Variants in RYR2 observed in about 807,000 individuals in gnomAD.
The protein encoded by RYR2 is cardiac muscle ryanodine receptor-calcium release channel.
In RYR2, 227 loss-of-function variants were observed where a neutral mutation model predicts 601.1. That is an observed-to-expected ratio of 0.38 (90% CI 0.34 to 0.42). The LOEUF (loss-of-function observed/expected upper bound fraction) is 0.42. RYR2 is among the 10% of genes least tolerant of loss of function. The pLI is 1.00. For missense variants in RYR2, 4,646 were observed against 6,156.5 expected (o/e 0.75, Z 8.21); for synonymous variants, 2,223 against 2,175.1 (o/e 1.02, Z -0.61).
At chr1:237,665,647 T>C (rs1684258265) in intron 56 of RYR2, among the ~76,000 whole-genome samples, 2 of 152,154 alleles carry the variant, frequency 1.3e-5, no homozygotes, top group Admixed American at 6.5e-5. Flanking sequence ...AGTGTCCTCA[T>C]GGTGAAAGGC....
chr1:237,713,379 T>C (rs542143332), intron 71 of RYR2, among the ~76,000 whole-genome samples: 1 of 152,236 alleles, frequency 6.6e-6, no homozygotes, highest in Non-Finnish European at 1.5e-5. Flanking sequence ...TAAAAAATTA[T>C]TTTTTTGTTT....
At chr1:237,795,818 GTA>G (rs1359942016) in intron 96 of RYR2, among the ~76,000 whole-genome samples, 2,090 of 129,856 alleles carry the variant, frequency 0.016, 31 homozygotes, top group African/African-American at 0.045. Context: ...GTATATACAG[GTA>G]TGTATGTGTG....
intron 46 of RYR2, among the ~76,000 whole-genome samples, chr1:237,639,851 T>C (rs893833339): frequency 3.3e-5 from 5 of 152,118 alleles, no homozygotes; most frequent in Non-Finnish European, 2.9e-5. Context: ...AGATGTAACA[T>C]AGGGCTTTAT....
At chr1:237,327,294 T>G (rs1463730934) in intron 2 of RYR2, among the ~76,000 whole-genome samples, 1 of 152,162 alleles carries the variant, frequency 6.6e-6, no homozygotes, top group Admixed American at 6.5e-5. Context: ...CTTTGAAGAT[T>G]GTTGGCGTGT....
intron 29 of RYR2, among the ~76,000 whole-genome samples, chr1:237,573,947 G>A (rs1672968560): frequency 6.6e-6 from 1 of 152,108 alleles, no homozygotes; most frequent in South Asian, 2.1e-4. Flanking sequence ...CAGAAACACT[G>A]GTCTCTGGTA....
At chr1:237,362,075 T>G (rs1699827308) in intron 4 of RYR2, among the ~76,000 whole-genome samples, 1 of 152,208 alleles carries the variant, frequency 6.6e-6, no homozygotes, top group Non-Finnish European at 1.5e-5. Context: ...GGCTTCCATG[T>G]TAATGTGGCA....
chr1:237,462,654 G>A (rs1265686448), intron 16 of RYR2, among the ~76,000 whole-genome samples: 1 of 152,046 alleles, frequency 6.6e-6, no homozygotes, highest in Non-Finnish European at 1.5e-5. Flanking sequence ...TTGAAGACTT[G>A]GAAAGAATAC....
intron 29 of RYR2, among the ~76,000 whole-genome samples, chr1:237,574,426 A>G (rs906729718): frequency 6.6e-6 from 1 of 152,160 alleles, no homozygotes; most frequent in Non-Finnish European, 1.5e-5. Flanking sequence ...ACCATTTTAT[A>G]TAACCCTCTC....
At position 237,830,573 on chromosome 1, in the gene RYR2, C is replaced by G; in HGVS notation, c.14699C>G (p.Thr4900Arg). The change falls in exon 103 of 105, where the codon ACA becomes AGA. Residue 4900 changes from threonine to arginine, a missense_variant. Physicochemically the swap from Thr to Arg is moderately conservative, Grantham distance 71 (BLOSUM62 -1). Around this residue, in one of 17 missense-constraint regions of RYR2, gnomAD observed 55 missense variants for 204.7 expected, o/e 0.27. Coordinates refer to ENST00000366574, the MANE Select transcript of RYR2 (RefSeq NM_001035.3). ...ICGIGNDYFD[T>R]VPHGFETHTL... is the part of the protein sequence containing the mutation. ...GGGATAGGCAATGATTACTTCGACA[C>G]AGTGCCACATGGCTTTGAAACCCAC... 1 of 1,611,940 alleles carries G rather than the reference C, an allele frequency of 6.2e-7. No individual in the cohort carries two copies. Among genetic ancestry groups the G allele is most frequent in the Non-Finnish European group, 8.5e-7 (1 of 1,178,070 alleles).
At chr1:237,443,208 T>C (rs1488996702) in intron 13 of RYR2, among the ~76,000 whole-genome samples, 1 of 152,166 alleles carries the variant, frequency 6.6e-6, no homozygotes, top group East Asian at 1.9e-4. Context: ...ATGCTTTTTT[T>C]TTCTTGTCTT....
In RYR2 at chr1:237,106,380, A is replaced by C. The variant is rs1668687597; in HGVS notation, c.48+63811A>C. 6.6e-6 allele frequency among the ~76,000 whole-genome samples: 1 copy of C among 151,950 alleles called. No homozygotes were observed. The highest frequency in any genetic ancestry group is 1.5e-5 in the Non-Finnish European group (1 of 67,986). On this transcript the variant is annotated intron_variant, in intron 1 of 104. Transcript: ENST00000366574. The surrounding 1 kb of genome is among the most constrained non-coding windows in gnomAD (Gnocchi z 4.4). ...AGCAGGACCCTGGATATTTTTTTGG[A>C]CATAGAGCCAGGAGGATTTCCTCAT...
intron 100 of RYR2, 64 bp from the exon 101 acceptor site, chr1:237,818,972 G>A: frequency 6.8e-7 from 1 of 1,463,648 alleles, no homozygotes; most frequent in South Asian, 1.3e-5. Flanking sequence ...AGATAACTCG[G>A]GTTTGTCGAG....
At chr1:237,283,750 A>C (rs973805783) in intron 2 of RYR2, among the ~76,000 whole-genome samples, 2 of 152,342 alleles carry the variant, frequency 1.3e-5, no homozygotes, top group Admixed American at 1.3e-4. Context: ...ATATAGATTG[A>C]TAATGGTCTT....
chr1:237,546,596 G>C (rs796504148), intron 25 of RYR2, among the ~76,000 whole-genome samples: 3 of 152,034 alleles, frequency 2.0e-5, no homozygotes, highest in Non-Finnish European at 4.4e-5. Context: ...AGCCAGGCTT[G>C]TCTTGAACTC....
intron 1 of RYR2, among the ~76,000 whole-genome samples, chr1:237,185,627 G>C (rs1045999912): frequency 6.6e-6 from 1 of 152,244 alleles, no homozygotes; most frequent in African/African-American, 2.4e-5. Context: ...CACACACACA[G>C]AGGATAAGAT....
intron 49 of RYR2, 39 bp from the exon 50 acceptor site, chr1:237,649,838 C>G: frequency 6.3e-7 from 1 of 1,583,126 alleles, no homozygotes; most frequent in Admixed American, 1.7e-5. Flanking sequence ...TATCTACTGC[C>G]AAACACAAAT....
intron 74 of RYR2, among the ~76,000 whole-genome samples, chr1:237,724,209 A>G (rs866773332): frequency 7.2e-6 from 1 of 139,348 alleles, no homozygotes; most frequent in African/African-American, 2.8e-5. Context: ...ATATATATAT[A>G]TATATATATG....
chr1:237,639,805 G>T (rs988005407), intron 46 of RYR2, among the ~76,000 whole-genome samples: 3 of 152,072 alleles, frequency 2.0e-5, no homozygotes, highest in Non-Finnish European at 4.4e-5. Context: ...GTCCTCCAGC[G>T]GGGTCATGCA....
At chr1:237,240,032 G>T (rs1685983320) in intron 1 of RYR2, among the ~76,000 whole-genome samples, 1 of 152,122 alleles carries the variant, frequency 6.6e-6, no homozygotes, top group Non-Finnish European at 1.5e-5. Context: ...CATTAAAACT[G>T]CCATTAGTGC....
Sources: gnomAD v4.1 joint callset for allele counts (sites outside exome capture counted in the v4.1 genomes callset) on GRCh38, gnomAD v4.1.1 for gene constraint, gnomAD v4.1.1 regional missense constraint, Gnocchi (gnomAD v3.1) non-coding constraint, MANE v1.5 for transcripts, NCBI Gene and HGNC (gene_info 2026-07-23, HGNC 2026-07-21) for gene names.